Variants in RBFOX1 observed in about 807,000 individuals in gnomAD.
RBFOX1 encodes RNA binding fox-1 homolog 1.
RBFOX1 carries 8 observed loss-of-function variants against 57.7 expected under a neutral mutation model. The observed-to-expected ratio is 0.14, with a 90% CI of 0.08 to 0.25. The LOEUF is 0.25. Among genes scored for constraint, RBFOX1 ranks in the 10% least tolerant of loss-of-function variants. RBFOX1 has a pLI of 1.00. For synonymous variants in RBFOX1, 326 were observed against 222.4 expected (o/e 1.47, Z -4.15); for missense variants, 611 against 548.5 (o/e 1.11, Z -1.14).
At chr16:5,717,699 A>T (rs1368483007) in intron 3 of RBFOX1, among the ~76,000 whole-genome samples, 1 of 152,208 alleles carries the variant, frequency 6.6e-6, no homozygotes, top group Non-Finnish European at 1.5e-5. Flanking sequence ...TATCATTTCA[A>T]CACAGCACTC....
intron 2 of RBFOX1, among the ~76,000 whole-genome samples, chr16:6,410,036 T>C (rs1185874453): frequency 6.6e-6 from 1 of 152,152 alleles, no homozygotes; most frequent in Non-Finnish European, 1.5e-5. Flanking sequence ...AAGGTGAGAC[T>C]AGGAGCCCTG....
intron 4 of RBFOX1, among the ~76,000 whole-genome samples, chr16:7,316,993 C>A (rs1603619435): frequency 6.6e-6 from 1 of 151,236 alleles, no homozygotes; most frequent in African/African-American, 2.4e-5. Context: ...CACAAACACA[C>A]ACACACACAA....
At chr16:7,134,654 C>A (rs568041401) in intron 4 of RBFOX1, among the ~76,000 whole-genome samples, 7 of 152,294 alleles carry the variant, frequency 4.6e-5, no homozygotes, top group South Asian at 2.1e-4. Flanking sequence ...AAAAGAATTC[C>A]GTCAGCTTTC....
rs923319925 is a variant in RBFOX1 at position 5,420,169 on chromosome 16, T to C, written c.220-47047T>C. 5.3e-5 allele frequency among the ~76,000 whole-genome samples: 8 copies of C among 152,274 alleles called. 1 individual carries two copies. In the South Asian group the frequency reaches 1.0e-3, roughly 20 times the overall value. On this transcript the variant is annotated intron_variant, in intron 1 of 2. Transcript: ENST00000585867. ...ACTGGGCCTGGTCTGACCAGAGTCA[T>C]ACCCAAAATAATGCAATGCTGGTTT...
chr16:5,455,142 A>G (rs927826558), intron 1 of RBFOX1, among the ~76,000 whole-genome samples: 9 of 151,298 alleles, frequency 5.9e-5, no homozygotes, highest in South Asian at 2.1e-4. Flanking sequence ...ACAGGCCACA[A>G]TCAGAATGAC....
chr16:5,348,937 A>G (rs969741289), intron 1 of RBFOX1, among the ~76,000 whole-genome samples: 16 of 152,226 alleles, frequency 1.1e-4, no homozygotes, highest in African/African-American at 3.9e-4. Flanking sequence ...TATACACAGA[A>G]GTAGGATTGC....
chr16:5,622,894 C>G (rs1296614526), intron 3 of RBFOX1, among the ~76,000 whole-genome samples: 1 of 152,198 alleles, frequency 6.6e-6, no homozygotes, highest in Non-Finnish European at 1.5e-5. Flanking sequence ...TTATTGTTTC[C>G]TAAACAACAC....
intron 4 of RBFOX1, among the ~76,000 whole-genome samples, chr16:7,296,388 G>T (rs1364312331): frequency 6.6e-6 from 1 of 151,428 alleles, no homozygotes; most frequent in Non-Finnish European, 1.5e-5. Flanking sequence ...AAATTTAAAA[G>T]CTGTTAATTT....
At chr16:6,431,981 A>T (rs1325584976) in intron 2 of RBFOX1, among the ~76,000 whole-genome samples, 2 of 140,248 alleles carry the variant, frequency 1.4e-5, no homozygotes, top group Non-Finnish European at 1.5e-5. Flanking sequence ...TTTGAAATAG[A>T]GACAGGGTCA....
In RBFOX1 at chr16:5,496,112, C is replaced by T. The variant is rs530958368; in HGVS notation, c.258+28858C>T. Among the ~76,000 whole-genome samples, 11 of 152,040 alleles carry T rather than the reference C, an allele frequency of 7.2e-5. No individual in the cohort carries two copies. The East Asian group carries it at 1.4e-3, about 19-fold the overall frequency. On this transcript the variant is annotated intron_variant, in intron 2 of 2. Coordinates refer to the RBFOX1 transcript ENST00000585867. ...CCACACTCCAGCCTGGGTGACAGTGCGAGACTCCATCTCAAAAAGAAAAGA... is the reference window on the plus strand; with the variant it reads ...CCACACTCCAGCCTGGGTGACAGTGTGAGACTCCATCTCAAAAAGAAAAGA...
chr16:5,938,308 C>T (rs575314334), intron 4 of RBFOX1, among the ~76,000 whole-genome samples: 1 of 152,264 alleles, frequency 6.6e-6, no homozygotes, highest in East Asian at 1.9e-4. Flanking sequence ...TGTCTGGAGC[C>T]AGTTCTCCTC....
intron 4 of RBFOX1, among the ~76,000 whole-genome samples, chr16:7,307,572 C>G (rs967609831): frequency 1.3e-5 from 2 of 152,216 alleles, no homozygotes; most frequent in Non-Finnish European, 2.9e-5. Context: ...TGTTTACTTA[C>G]AGCTACGATT....
At chr16:6,909,237 G>A (rs1313896120) in intron 3 of RBFOX1, among the ~76,000 whole-genome samples, 3 of 152,128 alleles carry the variant, frequency 2.0e-5, no homozygotes, top group East Asian at 1.9e-4. Context: ...AGATTACATG[G>A]CTCATGGCCC....
At chr16:7,492,550 A>G (rs2067266171) in intron 4 of RBFOX1, among the ~76,000 whole-genome samples, 1 of 152,132 alleles carries the variant, frequency 6.6e-6, no homozygotes, top group African/African-American at 2.4e-5. Context: ...ATAAAATTAA[A>G]ATTCAGTTTC....
chr16:5,573,091 C>A (rs774829941), intron 2 of RBFOX1, among the ~76,000 whole-genome samples: 6 of 152,014 alleles, frequency 3.9e-5, no homozygotes, highest in African/African-American at 7.3e-5. Context: ...TGCCCTGGAT[C>A]GGATGGTGGG....
chr16:7,265,296 T>C (rs1404797154), intron 4 of RBFOX1, among the ~76,000 whole-genome samples: 1 of 150,134 alleles, frequency 6.7e-6, no homozygotes, highest in Non-Finnish European at 1.5e-5. Context: ...TCTCGGTGGC[T>C]TATGGATGGT....
At chr16:5,541,193 T>G (rs1407079965) in intron 2 of RBFOX1, among the ~76,000 whole-genome samples, 1 of 152,142 alleles carries the variant, frequency 6.6e-6, no homozygotes, top group Admixed American at 6.5e-5. Flanking sequence ...TTTATGTGTA[T>G]GTTTAAGATA....
chr16:7,421,235 A>AAG (rs1194163909), intron 4 of RBFOX1, among the ~76,000 whole-genome samples: 4 of 142,930 alleles, frequency 2.8e-5, no homozygotes, highest in Admixed American at 1.4e-4. Context: ...CAGAAAGACA[A>AAG]AGAGAGAGAG....
chr16:6,939,031 T>A (rs778325837), intron 3 of RBFOX1, among the ~76,000 whole-genome samples: 1 of 152,216 alleles, frequency 6.6e-6, no homozygotes, highest in Non-Finnish European at 1.5e-5. Context: ...TGCCTTGACA[T>A]GTGACGAACT....
Sources: gnomAD v4.1 joint callset for allele counts (sites outside exome capture counted in the v4.1 genomes callset) on GRCh38, gnomAD v4.1.1 for gene constraint, MANE v1.5 for transcripts, NCBI Gene and HGNC (gene_info 2026-07-23, HGNC 2026-07-21) for gene names.